The following USO1 variants were observed in gnomAD, a reference collection of about 807,000 sequenced individuals.
USO1 encodes the protein USO1 vesicle transport factor.
In USO1, 57 loss-of-function variants were observed where a neutral mutation model predicts 124.5. That is an observed-to-expected ratio of 0.46 (90% CI 0.37 to 0.57). The LOEUF (loss-of-function observed/expected upper bound fraction) is 0.57. Ranked by LOEUF, USO1 falls within the 20% of genes least tolerant of loss-of-function variation. USO1 has a pLI of 0.00. For missense variants in USO1, 900 were observed against 1,040.6 expected (o/e 0.86, Z 1.86); for synonymous variants, 369 against 362.8 (o/e 1.02, Z -0.19).
chr4:75,802,777 T>C (rs1464596102), intron 17 of USO1, among the ~76,000 whole-genome samples: 23 of 141,062 alleles, frequency 1.6e-4, no homozygotes, highest in African/African-American at 5.5e-4. Context: ...AGTTTCGCTC[T>C]TGTTGCCCAG....
rs529494706 is a variant in USO1, at chr4:75,798,023, G to A, written c.1453-1599G>A. On this transcript the variant is annotated intron_variant, in intron 13 of 23. Coordinates refer to ENST00000514213, the MANE Select transcript of USO1 (RefSeq NM_003715.4). ...TCTATTGGTTTATGTCCACTTTTGT[G>A]CTCTTTAGGAGTGTTTTAAAATTTT... Among the ~76,000 whole-genome samples the A allele has an allele frequency of 3.5e-4, 53 of 152,220 alleles. No homozygotes were observed. In the Middle Eastern group the frequency reaches 0.01, roughly 29 times the overall value.
intron 12 of USO1, among the ~76,000 whole-genome samples, chr4:75,792,717 A>G: frequency 6.6e-6 from 1 of 152,134 alleles, no homozygotes; most frequent in East Asian, 1.9e-4. Flanking sequence ...AAAAAATAAA[A>G]TATACACTTA....
intron 8 of USO1, among the ~76,000 whole-genome samples, chr4:75,775,991 T>C (rs1013352871): frequency 6.6e-6 from 1 of 152,188 alleles, no homozygotes; most frequent in African/African-American, 2.4e-5. Flanking sequence ...ATTAGACGGG[T>C]TGCTGTTGAA....
chr4:75,782,821 C>G lies in USO1; in HGVS notation c.818C>G (p.Ser273Cys), dbSNP rs1175373143. Reference sequence around the variant, plus strand: ...GTTGGAGATGAAAATTCTGGCTGGTCTGCACAGAAAGTGACCAATCTACAT... The same window carrying G: ...GTTGGAGATGAAAATTCTGGCTGGTGTGCACAGAAAGTGACCAATCTACAT... The part of the protein sequence containing the change: ...FEVGDENSGW[S>C]AQKVTNLHLM... Residue 273 changes from serine to cysteine, a missense_variant, in exon 9 of 24, where the codon TCT (serine) becomes TGT (cysteine). Transcript: ENST00000514213. 6.2e-7 allele frequency: 1 copy of G among 1,607,218 alleles called. No homozygotes were observed. Among genetic ancestry groups the G allele is most frequent in the South Asian group, 1.1e-5 (1 of 89,348 alleles).
Position 75,724,596 on chromosome 4 carries a change from C to G in USO1, c.-224C>G, listed in dbSNP as rs907874980. The G allele has an allele frequency of 1.8e-6, 1 of 561,704 alleles. No homozygotes were observed. Among genetic ancestry groups the G allele is most frequent in the South Asian group, 2.1e-5 (1 of 48,390 alleles). 34.8% of individuals were successfully genotyped at this position (561,704 alleles called of 1,614,324 possible). A position where few individuals can be genotyped will look rare whatever the true frequency, so the allele number is the denominator to read the frequency against. On this transcript the variant is annotated 5_prime_UTR_variant, in exon 1 of 24. Coordinates refer to ENST00000514213, the MANE Select transcript of USO1 (RefSeq NM_003715.4). ...CCGCTCCCCTTTTGCCTTCAACCTT[C>G]GAGCCGCCACGTAATGCCACGTCCC...
intron 1 of USO1, among the ~76,000 whole-genome samples, chr4:75,726,342 G>C (rs1301865745): frequency 6.8e-6 from 1 of 146,040 alleles, no homozygotes; most frequent in African/African-American, 2.5e-5. Flanking sequence ...GCTAATAATA[G>C]AGCCAGGATT....
At chr4:75,737,227 A>G (rs1388792245) in intron 1 of USO1, among the ~76,000 whole-genome samples, 2 of 152,204 alleles carry the variant, frequency 1.3e-5, no homozygotes, top group Non-Finnish European at 2.9e-5. Context: ...TCTAAAATAT[A>G]AATAGTAATA....
chr4:75,813,455 A>G lies in USO1; in HGVS notation c.*160A>G. 1 of 648,690 alleles carries G rather than the reference A, an allele frequency of 1.5e-6. No homozygotes were observed. The highest frequency in any genetic ancestry group is 2.3e-6 in the Non-Finnish European group (1 of 437,574). 40.2% of individuals were successfully genotyped at this position (648,690 alleles called of 1,614,324 possible). A position where few individuals can be genotyped will look rare whatever the true frequency, so the allele number is the denominator to read the frequency against. ...TTTTGTAATGTTGCCACCCATGTTG[A>G]AAACCTTAAAACTGAATTTATGTAG... On this transcript the variant is annotated 3_prime_UTR_variant, in exon 24 of 24. Coordinates refer to ENST00000514213, the MANE Select transcript of USO1 (RefSeq NM_003715.4).
Position 75,783,728 on chromosome 4 carries a change from A to C in USO1, c.855+870A>C, listed in dbSNP as rs114554724. Among the ~76,000 whole-genome samples the C allele has an allele frequency of 5.8e-3, 889 of 152,270 alleles. 15 individuals are homozygous for C. The highest frequency in any genetic ancestry group is 0.02 in the African/African-American group (843 of 41,546). ...TGATAATTAGGGTAATCTGTGTCCC[A>C]GTTTGCCAGTACATTACTCGTTTTG... On this transcript the variant is annotated intron_variant, in intron 9 of 23. Transcript: ENST00000514213.
chr4:75,804,266 C>A lies in USO1; in HGVS notation c.2119C>A (p.Gln707Lys). 6.2e-7 allele frequency: 1 copy of A among 1,609,822 alleles called. No homozygotes were observed. Residue 707 changes from glutamine (Q) to lysine (K), a missense_variant, in exon 18 of 24, where the codon CAG becomes AAG. By Grantham distance (53) the Gln-to-Lys change is moderately conservative. Coordinates refer to ENST00000514213, the MANE Select transcript of USO1 (RefSeq NM_003715.4). ...HKDQYNLLKI[Q>K]LGKDNQHQGS... ...AGACCAGTATAATCTTCTTAAAATA[C>A]AGCTAGGTAAGCATAGCTAAGCCAT...
At chr4:75,757,607 T>C in intron 4 of USO1, 34 bp downstream of exon 4, 1 of 1,406,000 alleles carries the variant, frequency 7.1e-7, no homozygotes, top group East Asian at 2.8e-5. Flanking sequence ...GTGTTTTCTG[T>C]ACTTAAAACC....
At chr4:75,724,987 G>A (rs1230386738) in intron 1 of USO1, 102 bp downstream of exon 1, 7 of 1,342,176 alleles carry the variant, frequency 5.2e-6, no homozygotes, top group Admixed American at 2.2e-5. Flanking sequence ...CCACCATGGA[G>A]GGGGCATCCA....
rs1721134918 is a variant in USO1, at chr4:75,746,650, CAT to C, written c.67-5721_67-5720del. Among the ~76,000 whole-genome samples the C allele has an allele frequency of 2.0e-5, 3 of 152,146 alleles. No individual in the cohort carries two copies. The South Asian group carries it at 6.2e-4, about 32-fold the overall frequency. Reference sequence around the variant, plus strand: ...GCTTCAGTTGTCTGTAAATAGCAAACATAATGCTTTCTTATAGAGAGATCACT... The same window carrying C: ...GCTTCAGTTGTCTGTAAATAGCAAACAATGCTTTCTTATAGAGAGATCACT... On this transcript the variant is annotated intron_variant, in intron 1 of 23. Transcript: ENST00000514213.
At chr4:75,727,333 C>T (rs565739894) in intron 1 of USO1, among the ~76,000 whole-genome samples, 6 of 152,248 alleles carry the variant, frequency 3.9e-5, no homozygotes, top group African/African-American at 4.8e-5. Flanking sequence ...GTATCACTTG[C>T]GTATGTTGTA....
At chr4:75,803,035 C>T (rs1393861874) in intron 17 of USO1, among the ~76,000 whole-genome samples, 6 of 138,214 alleles carry the variant, frequency 4.3e-5, no homozygotes, top group Non-Finnish European at 9.1e-5. Context: ...TACAGTGAGC[C>T]GAGATCGCAC....
intron 4 of USO1, among the ~76,000 whole-genome samples, chr4:75,759,105 TAGG>T (rs1284563564): frequency 6.6e-6 from 1 of 152,006 alleles, no homozygotes. Flanking sequence ...ATTTTTTAGT[TAGG>T]AGGTTTTTTT....
At position 75,726,510 on chromosome 4, in the gene USO1, G is replaced by T. The variant is rs539405510; in HGVS notation, c.66+1625G>T. Among the ~76,000 whole-genome samples the T allele has an allele frequency of 3.3e-5, 5 of 151,086 alleles. No individual in the cohort carries two copies. In the South Asian group the frequency reaches 1.0e-3, roughly 32 times the overall value. ...AGCTAAGGGGATGCTAAGCCAGGAG[G>T]ATCGCTTGAGCCCAGGAGTTTGAGA... is the stretch of plus-strand genomic sequence containing the variant. On this transcript the variant is annotated intron_variant, in intron 1 of 23. Transcript: ENST00000514213.
chr4:75,777,876 T>C, intron 8 of USO1, among the ~76,000 whole-genome samples: 1 of 152,202 alleles, frequency 6.6e-6, no homozygotes, highest in Admixed American at 6.5e-5. Context: ...CACAAACATC[T>C]GCACATGAAT....
intron 12 of USO1, among the ~76,000 whole-genome samples, chr4:75,791,754 C>T (rs540211671): frequency 6.6e-6 from 1 of 152,002 alleles, no homozygotes; most frequent in East Asian, 1.9e-4. Flanking sequence ...TAATTACATA[C>T]ATTGAGGTTT....
Sources: gnomAD v4.1 joint callset for allele counts (sites outside exome capture counted in the v4.1 genomes callset) on GRCh38, gnomAD v4.1.1 for gene constraint, MANE v1.5 for transcripts, NCBI Gene and HGNC (gene_info 2026-07-23, HGNC 2026-07-21) for gene names.